XPR1: variants seen among roughly 807,000 people sequenced by gnomAD.
The protein encoded by XPR1 is solute carrier family 53 member 1.
A neutral mutation model predicts 87.5 loss-of-function variants in XPR1; 28 were observed. That is an observed-to-expected ratio of 0.32 (90% confidence interval 0.24 to 0.44). The LOEUF (loss-of-function observed/expected upper bound fraction) is 0.44. Among genes scored for constraint, XPR1 ranks in the 20% least tolerant of loss-of-function variants. The probability of loss-of-function intolerance (pLI) is 1.00; values close to 1 mark genes in which losing one functional copy is unlikely to be tolerated. For missense variants in XPR1, 559 were observed against 862.3 expected, an observed-to-expected ratio of 0.65 and a Z score of 4.41; for synonymous variants, 300 against 306.1, an observed-to-expected ratio of 0.98 and a Z score of 0.21.
chr1:180,815,705 T>C (rs1650383195), intron 7 of XPR1, among the ~76,000 whole-genome samples: 1 of 152,158 alleles, frequency 6.6e-6, no homozygotes, highest in Admixed American at 6.5e-5. Flanking sequence ...TACTAACATA[T>C]ATAACTTAAT....
chr1:180,804,279 A>G (rs1558016181), intron 4 of XPR1, among the ~76,000 whole-genome samples: 1 of 152,182 alleles, frequency 6.6e-6, no homozygotes, highest in Non-Finnish European at 1.5e-5. Context: ...CCCAGCCTGT[A>G]AGGGCTTTTA....
chr1:180,787,303 T>C (rs1254828309), intron 2 of XPR1, among the ~76,000 whole-genome samples: 1 of 151,914 alleles, frequency 6.6e-6, no homozygotes, highest in East Asian at 1.9e-4. Flanking sequence ...TTTTGTTTTT[T>C]TTGTTTTTGT....
At chr1:180,807,064 A>T (rs564876046) in intron 6 of XPR1, among the ~76,000 whole-genome samples, 1 of 151,956 alleles carries the variant, frequency 6.6e-6, no homozygotes, top group Non-Finnish European at 1.5e-5. Context: ...AGCCTAATGA[A>T]AGGCATCTAT....
chr1:180,767,653 T>C (rs916949532), intron 2 of XPR1, among the ~76,000 whole-genome samples: 2 of 152,174 alleles, frequency 1.3e-5, no homozygotes, highest in African/African-American at 4.8e-5. Flanking sequence ...GTATATAATC[T>C]GGGAAAGTAT....
In XPR1 at chr1:180,880,175, A is replaced by C. The variant is rs753991098; in HGVS notation, c.1908A>C (p.Ala636=). ...VRDISVAPLN[A]DDQTLLEQMM... ...ACATCTCTGTGGCCCCCCTGAACGC[A>C]GATGATCAGACTCTCCTAGAACAGA... The change falls in exon 14 of 15, where the codon GCA becomes GCC. Residue 636 remains alanine, a synonymous_variant. Coordinates refer to ENST00000367590, the MANE Select transcript of XPR1 (RefSeq NM_004736.4). 9 of 1,614,082 alleles carry C rather than the reference A, an allele frequency of 5.6e-6. No individual in the cohort carries two copies. The highest frequency in any genetic ancestry group is 1.6e-4 in the Middle Eastern group (1 of 6,084).
rs115688692 is a variant in XPR1 at position 180,732,757 on chromosome 1, C to G, written c.121+50346C>G. On this transcript the variant is annotated intron_variant, in intron 2 of 14. Coordinates refer to ENST00000367590, the MANE Select transcript of XPR1 (RefSeq NM_004736.4). ...TGATGTCTATAGGCGGCTTGTGTTA[C>G]CAGCTCAATTAGACCCTTTACCTTG... 5.1e-3 allele frequency among the ~76,000 whole-genome samples: 773 copies of G among 152,294 alleles called. 6 individuals carry two copies. The highest frequency in any genetic ancestry group is 0.014 in the African/African-American group (578 of 41,560).
chr1:180,675,786 A>G (rs1656350216), intron 1 of XPR1, among the ~76,000 whole-genome samples: 1 of 152,174 alleles, frequency 6.6e-6, no homozygotes, highest in Non-Finnish European at 1.5e-5. Context: ...GGTCTGGGTG[A>G]CTCATAGACA....
At chr1:180,744,363 G>T (rs767811121) in intron 2 of XPR1, among the ~76,000 whole-genome samples, 1 of 151,690 alleles carries the variant, frequency 6.6e-6, no homozygotes, top group South Asian at 2.1e-4. Context: ...TCTTTTGATC[G>T]TATATTTTTG....
intron 1 of XPR1, among the ~76,000 whole-genome samples, chr1:180,665,011 C>T (rs1655911689): frequency 6.6e-6 from 1 of 152,300 alleles, no homozygotes; most frequent in South Asian, 2.1e-4. Flanking sequence ...CTCGCACTTC[C>T]TATATTCATC....
chr1:180,664,454 T>C (rs908397836), intron 1 of XPR1, among the ~76,000 whole-genome samples: 1 of 152,160 alleles, frequency 6.6e-6, no homozygotes, highest in East Asian at 1.9e-4. Flanking sequence ...GGGCCTGGAA[T>C]GGGGGGCCTC....
chr1:180,687,291 T>A (rs1557957409), intron 2 of XPR1, among the ~76,000 whole-genome samples: 1 of 152,180 alleles, frequency 6.6e-6, no homozygotes, highest in Non-Finnish European at 1.5e-5. Context: ...CTTTCAGCTA[T>A]TATTAGAGAA....
At chr1:180,712,796 ACT>A in intron 2 of XPR1, among the ~76,000 whole-genome samples, 1 of 152,148 alleles carries the variant, frequency 6.6e-6, no homozygotes, top group African/African-American at 2.4e-5. Flanking sequence ...ACAGAATGAG[ACT>A]CTGTCTCAAA....
At chr1:180,834,295 G>A (rs1338475358) in intron 9 of XPR1, among the ~76,000 whole-genome samples, 1 of 152,136 alleles carries the variant, frequency 6.6e-6, no homozygotes, top group Non-Finnish European at 1.5e-5. Context: ...GGCCAGGCTG[G>A]TCTCGAACTC....
chr1:180,696,208 G>GTGTGTGTATATA (rs1241189679), intron 2 of XPR1, among the ~76,000 whole-genome samples: 1 of 88,566 alleles, frequency 1.1e-5, no homozygotes, highest in Non-Finnish European at 2.3e-5. Flanking sequence ...GTGTGTGTGT[G>GTGTGTGTATATA]TATATATATA....
intron 9 of XPR1, among the ~76,000 whole-genome samples, chr1:180,831,011 A>G (rs568400287): frequency 6.6e-6 from 1 of 152,342 alleles, no homozygotes; most frequent in East Asian, 1.9e-4. Context: ...TGCCCAATAC[A>G]TTTAATACAT....
At position 180,759,441 on chromosome 1, in the gene XPR1, C is replaced by A. The variant is rs371745722; in HGVS notation, c.122-28312C>A. Among the ~76,000 whole-genome samples the A allele has an allele frequency of 1.6e-3, 240 of 152,058 alleles. 1 individual carries two copies. Among genetic ancestry groups the A allele is most frequent in the Admixed American group, 2.2e-3 (33 of 15,270 alleles). Reference sequence around the variant, plus strand: ...AAAATGATAAAGGGGATATCACCACCGATCCCACAGAAATACAAACTACCA... The same window carrying A: ...AAAATGATAAAGGGGATATCACCACAGATCCCACAGAAATACAAACTACCA... On this transcript the variant is annotated intron_variant, in intron 2 of 14. Transcript: ENST00000367590.
At chr1:180,653,625 T>C (rs1655361450) in intron 1 of XPR1, among the ~76,000 whole-genome samples, 1 of 152,162 alleles carries the variant, frequency 6.6e-6, no homozygotes, top group Non-Finnish European at 1.5e-5. Context: ...ATTGTTTCTA[T>C]ACATACATAC....
chr1:180,741,330 AT>A (rs936922113), intron 2 of XPR1, among the ~76,000 whole-genome samples: 1 of 151,654 alleles, frequency 6.6e-6, no homozygotes, highest in East Asian at 1.9e-4. Flanking sequence ...CGCCGAGCTA[AT>A]TTTTTTGTAT....
chr1:180,726,357 T>A (rs1226822916), intron 2 of XPR1, among the ~76,000 whole-genome samples: 2 of 152,160 alleles, frequency 1.3e-5, no homozygotes, highest in African/African-American at 4.8e-5. Context: ...TTGTTCTTTC[T>A]CTCTTCACAA....
Sources: allele counts gnomAD v4.1 joint callset (sites outside exome capture counted in the v4.1 genomes callset), GRCh38; gene constraint gnomAD v4.1.1; transcripts MANE v1.5; gene names NCBI Gene and HGNC (gene_info 2026-07-23, HGNC 2026-07-21).